Variants in IPMK observed in about 807,000 individuals in gnomAD.
IPMK encodes inositol 1,3,4,6-tetrakisphosphate 5-kinase.
Under a neutral mutation model 45.8 loss-of-function variants are expected in IPMK, and 17 were observed. The observed-to-expected ratio is 0.37, with a 90% CI of 0.25 to 0.56. IPMK has a LOEUF of 0.56. Ranked by LOEUF, IPMK falls within the 20% of genes least tolerant of loss-of-function variation. The probability of loss-of-function intolerance (pLI) is 0.79; values close to 1 mark genes in which losing one functional copy is unlikely to be tolerated. For synonymous variants in IPMK, 180 were observed against 184.3 expected (o/e 0.98, Z 0.19); for missense variants, 399 against 498.0 (o/e 0.80, Z 1.89).
At chr10:58,246,966 C>T (rs1365421379) in intron 1 of IPMK, among the ~76,000 whole-genome samples, 1 of 149,964 alleles carries the variant, frequency 6.7e-6, no homozygotes, top group Admixed American at 6.6e-5. Flanking sequence ...AAGAAAAAAA[C>T]AAACAACCCC....
chr10:58,215,242 G>T (rs1838226648), intron 4 of IPMK, among the ~76,000 whole-genome samples: 1 of 152,112 alleles, frequency 6.6e-6, no homozygotes, highest in Admixed American at 6.5e-5. Context: ...ATACCCAGCT[G>T]AACCATCAGA....
At chr10:58,264,328 A>G (rs1839117210) in intron 1 of IPMK, among the ~76,000 whole-genome samples, 1 of 152,206 alleles carries the variant, frequency 6.6e-6, no homozygotes, top group Non-Finnish European at 1.5e-5. Flanking sequence ...TTTTAGGTTA[A>G]TTAGTTTCAG....
In IPMK at chr10:58,246,131, C is replaced by G. The variant is rs1225323953; in HGVS notation, c.191-8317G>C. Among the ~76,000 whole-genome samples the G allele has an allele frequency of 7.6e-5, 10 of 131,922 alleles. No homozygotes were observed. The East Asian group carries it at 2.2e-3, about 29-fold the overall frequency. The allele number at this position is 131,922 out of a possible 152,430, so 86.5% of individuals were successfully genotyped here. ...GGACCTCTTCAAGGAGAACTACAAA[C>G]CACTGCTCAAGGAAATAAAAGAGGA... On this transcript the variant is annotated intron_variant, in intron 1 of 5. Coordinates refer to ENST00000373935, the MANE Select transcript of IPMK (RefSeq NM_152230.5).
At chr10:58,204,757 T>C (rs913151247) in intron 4 of IPMK, among the ~76,000 whole-genome samples, 5 of 152,108 alleles carry the variant, frequency 3.3e-5, no homozygotes, top group East Asian at 1.9e-4. Flanking sequence ...ATCACGCTAC[T>C]GCACTCTAGC....
At chr10:58,199,511 C>T (rs1456058429) in intron 4 of IPMK, among the ~76,000 whole-genome samples, 190 bp from the exon 5 acceptor site, 1 of 151,796 alleles carries the variant, frequency 6.6e-6, no homozygotes. Flanking sequence ...ACATCCACTA[C>T]TGATGAAAAC....
Position 58,267,329 on chromosome 10 carries a change from C to A in IPMK, c.190+93G>T, listed in dbSNP as rs1588976928. 4 of 1,289,490 alleles carry A rather than the reference C, an allele frequency of 3.1e-6. No homozygotes were observed. The East Asian group carries it at 9.5e-5, about 31-fold the overall frequency. 79.9% of individuals were successfully genotyped at this position (1,289,490 alleles called of 1,614,324 possible). ...TTTGGCGTGCACACCAGGGGGGCGT[C>A]CAGGCAGGCCCGAGAGCGCTAGGCT... On this transcript the variant is annotated intron_variant, in intron 1 of 5. Transcript: ENST00000373935.
rs1169676091 is a variant in IPMK, at chr10:58,195,620, T to G, written c.*456A>C. ...ATTTCTGAAGTAGAATTTTCTCCAG[T>G]TTTAGTAACTTCATACATAGCAATA... On this transcript the variant is annotated 3_prime_UTR_variant, in exon 6 of 6. Coordinates refer to ENST00000373935, the MANE Select transcript of IPMK (RefSeq NM_152230.5). The G allele has an allele frequency of 1.3e-5, 2 of 153,296 alleles. No individual in the cohort carries two copies. Among genetic ancestry groups the G allele is most frequent in the African/African-American group, 4.8e-5 (2 of 41,468 alleles). The allele number at this position is 153,296 out of a possible 1,614,324, so 9.5% of individuals were successfully genotyped here.
chr10:58,247,640 C>T (rs1371416897), intron 1 of IPMK, among the ~76,000 whole-genome samples: 4 of 152,006 alleles, frequency 2.6e-5, no homozygotes, highest in Non-Finnish European at 5.9e-5. Context: ...GAACATCACA[C>T]TCTGGGGACT....
At position 58,196,686 on chromosome 10, in the gene IPMK, A is replaced by T; in HGVS notation, c.641T>A (p.Phe214Tyr). 6.4e-7 allele frequency: 1 copy of T among 1,573,034 alleles called. No homozygotes were observed. The highest frequency in any genetic ancestry group is 1.2e-5 in the South Asian group (1 of 83,958). The change falls in exon 6 of 6, where the codon TTT (phenylalanine) becomes TAT (tyrosine). Residue 214 changes from phenylalanine to tyrosine, a missense_variant. Physicochemically the swap from Phe to Tyr is conservative, Grantham distance 22. Transcript: ENST00000373935. ...KETIKDGVSR[F>Y]FHNGYCLRKD... Reference sequence around the variant, plus strand: ...TCTTAAGCAGTACCCATTATGAAAAAATCTGGAGACTCCTATAAAAAGAAA... The same window carrying T: ...TCTTAAGCAGTACCCATTATGAAAATATCTGGAGACTCCTATAAAAAGAAA...
intron 3 of IPMK, among the ~76,000 whole-genome samples, chr10:58,217,829 G>C (rs535079929): frequency 3.1e-4 from 47 of 151,902 alleles, no homozygotes; most frequent in Admixed American, 1.6e-3. Flanking sequence ...AATAAGGTTA[G>C]AGAAGGTGTT....
chr10:58,261,012 T>C (rs1839057070), intron 1 of IPMK, among the ~76,000 whole-genome samples: 2 of 151,512 alleles, frequency 1.3e-5, no homozygotes, highest in South Asian at 4.2e-4. Flanking sequence ...ATAAAATAAC[T>C]TGAATCAAGA....
chr10:58,211,919 A>AAAAAAAAAAAAAAAAAAAAAAT (rs967150743), intron 4 of IPMK, among the ~76,000 whole-genome samples: 4 of 148,180 alleles, frequency 2.7e-5, no homozygotes, highest in African/African-American at 1.0e-4. Flanking sequence ...AAAAAAAAAA[A>AAAAAAAAAAAAAAAAAAAAAAT]AAAAAATTTG....
intron 1 of IPMK, among the ~76,000 whole-genome samples, chr10:58,250,123 C>T (rs2790192): frequency 0.15 from 22,751 of 152,068 alleles, 2,328 homozygotes; most frequent in African/African-American, 0.29. Flanking sequence ...TAGTATGATG[C>T]CTCCAGCTTT....
chr10:58,214,939 G>A (rs1838221924), intron 4 of IPMK, among the ~76,000 whole-genome samples: 1 of 152,150 alleles, frequency 6.6e-6, no homozygotes, highest in South Asian at 2.1e-4. Context: ...ACCATCGGAG[G>A]TGGAGTCTGT....
chr10:58,250,834 TC>T (rs1407177400), intron 1 of IPMK, among the ~76,000 whole-genome samples: 2 of 152,192 alleles, frequency 1.3e-5, no homozygotes, highest in East Asian at 3.8e-4. Flanking sequence ...CCTTTATTGT[TC>T]TGAAGTATGT....
chr10:58,243,457 T>G (rs1390773967), intron 1 of IPMK, among the ~76,000 whole-genome samples: 1 of 152,220 alleles, frequency 6.6e-6, no homozygotes. Flanking sequence ...GCAACCTCGC[T>G]GCCTCGGGCT....
intron 1 of IPMK, among the ~76,000 whole-genome samples, chr10:58,253,151 TA>T (rs1838910001): frequency 1.3e-5 from 2 of 152,296 alleles, no homozygotes; most frequent in African/African-American, 4.8e-5. Context: ...GATAGTTTTA[TA>T]AATGGAAGTT....
chr10:58,246,235 AATTTACAGATTCAATGCC>A (rs1299869127), intron 1 of IPMK, among the ~76,000 whole-genome samples: 1 of 149,850 alleles, frequency 6.7e-6, no homozygotes, highest in Non-Finnish European at 1.5e-5. Flanking sequence ...TGCCCAAGGT[AATTTACAGATTCAATGCC>A]ATCCTCATCA....
intron 4 of IPMK, among the ~76,000 whole-genome samples, chr10:58,207,220 G>A (rs1838083940): frequency 6.6e-6 from 1 of 152,168 alleles, no homozygotes; most frequent in Non-Finnish European, 1.5e-5. Flanking sequence ...AGCTAGGATG[G>A]TCTCGATCTC....
Sources: allele counts gnomAD v4.1 joint callset (sites outside exome capture counted in the v4.1 genomes callset), GRCh38; gene constraint gnomAD v4.1.1; transcripts MANE v1.5; gene names NCBI Gene and HGNC (gene_info 2026-07-23, HGNC 2026-07-21).